The following PSMG4 variants were observed in gnomAD, a reference collection of about 807,000 sequenced individuals.
PSMG4 encodes the protein proteasome assembly chaperone 4, also known as proteasome (prosome, macropain) assembly chaperone 4.
Under a neutral mutation model 11.0 loss-of-function variants are expected in PSMG4, and 10 were observed. The observed-to-expected ratio is 0.91, with a 90% CI of 0.56 to 1.54. PSMG4 has a LOEUF of 1.54. Ranked by LOEUF, PSMG4 falls within the 40% of genes most tolerant of loss-of-function variation. The pLI, the probability that PSMG4 is intolerant of heterozygous loss-of-function variation, is 0.00. For synonymous variants in PSMG4, 95 were observed against 71.3 expected (o/e 1.33, Z -1.68); for missense variants, 198 against 160.9 (o/e 1.23, Z -1.25).
upstream of PSMG4, chr6:3,255,264 A>C (rs753864877): frequency 1.3e-6 from 2 of 1,545,934 alleles, no homozygotes; most frequent in South Asian, 2.4e-5. Flanking sequence ...CTGTGTTACC[A>C]CGGCTGTCTT....
At chr6:3,262,440 A>G (rs932844318) in intron 1 of PSMG4, among the ~76,000 whole-genome samples, 1 of 152,168 alleles carries the variant, frequency 6.6e-6, no homozygotes, top group Non-Finnish European at 1.5e-5. Context: ...TCATTAAGAT[A>G]TTTTTGTATC....
upstream of PSMG4, chr6:3,254,921 C>T (rs906896674): frequency 7.0e-6 from 7 of 1,000,530 alleles, no homozygotes; most frequent in African/African-American, 6.6e-5. Flanking sequence ...GCTGGTGCTT[C>T]AGCCATTCTC....
rs111910055 is a variant in PSMG4 at position 3,261,829 on chromosome 6, C to T, written c.175-1855C>T. Among the ~76,000 whole-genome samples, 209 of 152,322 alleles carry T rather than the reference C, an allele frequency of 1.4e-3. 3 individuals are homozygous for T. The highest frequency in any genetic ancestry group is 4.8e-3 in the African/African-American group (199 of 41,568). On this transcript the variant is annotated intron_variant, in intron 1 of 2. Coordinates refer to ENST00000438998, the MANE Select transcript of PSMG4 (RefSeq NM_001128591.2). ...GTCCATGCAGGTAGACTCTGTGGAG[C>T]TCTTGTACCTTGGTGGCAGGGCTGA... is the stretch of plus-strand genomic sequence containing the variant.
intron 2 of PSMG4, chr6:3,267,222 A>G (rs1758224863): frequency 6.1e-6 from 1 of 162,752 alleles, no homozygotes; most frequent in African/African-American, 2.4e-5. Context: ...TGTGTAGGGC[A>G]GAGGTTCTTA....
At chr6:3,254,671 G>T (rs4997133), upstream of PSMG4, among the ~76,000 whole-genome samples, 1 of 151,740 alleles carries the variant, frequency 6.6e-6, no homozygotes, top group Non-Finnish European at 1.5e-5. Flanking sequence ...TTCAAGCTGC[G>T]AAACCACTAA....
At chr6:3,261,090 C>T (rs1581550657) in intron 1 of PSMG4, among the ~76,000 whole-genome samples, 1 of 152,204 alleles carries the variant, frequency 6.6e-6, no homozygotes, top group Non-Finnish European at 1.5e-5. Flanking sequence ...CGAGACCCTT[C>T]TGAAGCCAGT....
upstream of PSMG4, among the ~76,000 whole-genome samples, chr6:3,257,264 C>T (rs1030787289): frequency 1.3e-5 from 2 of 152,100 alleles, no homozygotes; most frequent in Non-Finnish European, 2.9e-5. Flanking sequence ...GGGCAGTGTT[C>T]CAGGGCCGCT....
intron 1 of PSMG4, among the ~76,000 whole-genome samples, chr6:3,259,845 C>T (rs1466190457): frequency 6.6e-6 from 1 of 152,232 alleles, no homozygotes; most frequent in Non-Finnish European, 1.5e-5. Context: ...CCTCTCCCGC[C>T]TTTCCGGCTT....
At chr6:3,257,127 C>G (rs1305017609), upstream of PSMG4, among the ~76,000 whole-genome samples, 1 of 152,154 alleles carries the variant, frequency 6.6e-6, no homozygotes, top group Non-Finnish European at 1.5e-5. Flanking sequence ...GAAAATCTGG[C>G]TTTGTCACCT....
In PSMG4 at chr6:3,259,184, G is replaced by A. The variant is rs1757869709; in HGVS notation, c.162G>A (p.Met54Ile). 1.5e-6 allele frequency: 2 copies of A among 1,308,482 alleles called. No individual in the cohort carries two copies. The highest frequency in any genetic ancestry group is 1.9e-6 in the Non-Finnish European group (2 of 1,029,998). The allele number at this position is 1,308,482 out of a possible 1,614,324, so 81.1% of individuals were successfully genotyped here. A position where few individuals can be genotyped will look rare whatever the true frequency, so the allele number is the denominator to read the frequency against. The stretch of plus-strand genomic sequence containing the variant: ...ACCTGCGCAACCTCGCCGTGGCCAT[G>A]TGCAGCCGCTACGTGAGTGCCTGGC... ...TPHLRNLAVA[M>I]CSRYDSIPVS... Residue 54 changes from methionine (M) to isoleucine (I), a missense_variant, in exon 1 of 3, where the codon ATG (methionine) becomes ATA (isoleucine). By Grantham distance (10) the Met-to-Ile change is conservative (BLOSUM62 1). Transcript: ENST00000438998.
At chr6:3,261,075 C>G (rs983812178) in intron 1 of PSMG4, among the ~76,000 whole-genome samples, 1 of 152,200 alleles carries the variant, frequency 6.6e-6, no homozygotes. Context: ...GTGAGGCCCC[C>G]TCAGCGAGAC....
intron 2 of PSMG4, chr6:3,265,969 T>C (rs956739486): frequency 6.8e-6 from 1 of 147,922 alleles, no homozygotes; most frequent in Non-Finnish European, 1.5e-5. Context: ...CGTAAACACA[T>C]GTCATACAAT....
upstream of PSMG4, among the ~76,000 whole-genome samples, chr6:3,256,679 C>T (rs191312968): frequency 2.1e-4 from 32 of 152,308 alleles, no homozygotes; most frequent in East Asian, 3.9e-4. Context: ...AGGTGAATAC[C>T]GCCCTTGCAG....
Position 3,263,668 on chromosome 6 carries a change from T to C in PSMG4, c.175-16T>C, listed in dbSNP as rs1200250974. ...GGGGTGGAGAAGCTGCAGTGTGCCC[T>C]TTGCTTTTCTTTTAGGACTCCATCC... On this transcript the variant is annotated splice_polypyrimidine_tract_variant and intron_variant, in intron 1 of 2. Coordinates refer to ENST00000438998, the MANE Select transcript of PSMG4 (RefSeq NM_001128591.2). 3.3e-6 allele frequency: 5 copies of C among 1,533,280 alleles called. No homozygotes were observed. Among genetic ancestry groups the C allele is most frequent in the Non-Finnish European group, 4.4e-6 (5 of 1,139,604 alleles). The allele number at this position is 1,533,280 out of a possible 1,614,324, so 95.0% of individuals were successfully genotyped here.
upstream of PSMG4, chr6:3,255,070 A>T: frequency 6.4e-7 from 1 of 1,550,998 alleles, no homozygotes. Context: ...CACTTGGAAT[A>T]TGCTTCTATT....
intron 1 of PSMG4, among the ~76,000 whole-genome samples, chr6:3,260,263 C>T (rs58701971): frequency 0.13 from 18,087 of 135,532 alleles, 2,470 homozygotes; most frequent in African/African-American, 0.35. Flanking sequence ...TCCAGTATAA[C>T]CTTGTCTTAA....
chr6:3,262,588 T>C (rs932793667), intron 1 of PSMG4, among the ~76,000 whole-genome samples: 1 of 123,060 alleles, frequency 8.1e-6, no homozygotes, highest in Non-Finnish European at 1.9e-5. Flanking sequence ...TGCCCTGCCA[T>C]ACTGTCTGGC....
upstream of PSMG4, among the ~76,000 whole-genome samples, chr6:3,254,573 T>G (rs929822415): frequency 5.3e-5 from 8 of 152,270 alleles, no homozygotes; most frequent in East Asian, 5.8e-4. Flanking sequence ...TTTGTGAGGC[T>G]GGGAACCCAA....
intron 2 of PSMG4, chr6:3,267,050 T>G (rs1241939188): frequency 6.6e-6 from 1 of 151,790 alleles, no homozygotes; most frequent in Non-Finnish European, 1.5e-5. Flanking sequence ...AGAGACGGGG[T>G]TTCAACGTGT....
Sources: gnomAD v4.1 joint callset for allele counts (sites outside exome capture counted in the v4.1 genomes callset) on GRCh38, gnomAD v4.1.1 for gene constraint, MANE v1.5 for transcripts, NCBI Gene and HGNC (gene_info 2026-07-23, HGNC 2026-07-21) for gene names.